The following PDLIM2 variants were observed in gnomAD, a reference collection of about 807,000 sequenced individuals.
PDLIM2 encodes PDZ and LIM domain protein 2.
In PDLIM2, 51 loss-of-function variants were observed where a neutral mutation model predicts 54.1. The observed-to-expected ratio is 0.94, with a 90% CI of 0.75 to 1.19. The LOEUF is 1.19. Ranked by LOEUF, PDLIM2 falls within the 50% of genes most tolerant of loss-of-function variation. The pLI is 0.00. For synonymous variants in PDLIM2, 398 were observed against 385.6 expected, an observed-to-expected ratio of 1.03 and a Z score of -0.38; for missense variants, 912 against 874.0, an observed-to-expected ratio of 1.04 and a Z score of -0.55.
At chr8:22,594,320 T>C, downstream of PDLIM2, 16 of 1,428,458 alleles carry the variant, frequency 1.1e-5, no homozygotes, top group Middle Eastern at 2.6e-4. Context: ...TTCCTTCTTT[T>C]TCCTACCGCC....
intron 2 of PDLIM2, 124 bp downstream of exon 1, chr8:22,580,821 C>A (rs1015142780): frequency 1.2e-5 from 13 of 1,096,900 alleles, no homozygotes; most frequent in Admixed American, 4.1e-5. Flanking sequence ...TGCTGCCTGG[C>A]GTGCTGGCTG....
chr8:22,594,579 A>AG (rs1302666450), downstream of PDLIM2: 1 of 1,613,992 alleles, frequency 6.2e-7, no homozygotes, highest in African/African-American at 1.3e-5. Context: ...GAAGCTTTGG[A>AG]GGGGATGGTG....
downstream of PDLIM2, chr8:22,594,776 G>C (rs781636899): frequency 1.4e-6 from 2 of 1,403,350 alleles, no homozygotes; most frequent in South Asian, 1.5e-5. Context: ...TTGATTTGGA[G>C]GGGGGAAAAA....
At chr8:22,592,688 C>G (rs1183336794) in intron 9 of PDLIM2, 1 of 152,096 alleles carries the variant, frequency 6.6e-6, no homozygotes, top group South Asian at 2.1e-4. Flanking sequence ...ATGGCTGGGC[C>G]CCACCCCAGA....
chr8:22,583,981 CT>C (rs1171881806), intron 3 of PDLIM2, among the ~76,000 whole-genome samples: 1 of 143,760 alleles, frequency 7.0e-6, no homozygotes, highest in East Asian at 2.2e-4. Flanking sequence ...ACTATCCTTT[CT>C]TTTTTTGGGG....
exon 1 of PDLIM2, chr8:22,579,450 G>A: frequency 2.0e-6 from 3 of 1,519,442 alleles, no homozygotes; most frequent in Non-Finnish European, 2.6e-6. Context: ...GGAGGCTCCA[G>A]AACTGGTAGA....
chr8:22,584,067 T>A (rs1391528421), intron 3 of PDLIM2, among the ~76,000 whole-genome samples: 3 of 151,786 alleles, frequency 2.0e-5, no homozygotes, highest in Admixed American at 6.6e-5. Flanking sequence ...AGTGGTACAA[T>A]TTTGGCTCAC....
chr8:22,590,005 A>C, intron 8 of PDLIM2: 1 of 474,614 alleles, frequency 2.1e-6, no homozygotes, highest in Non-Finnish European at 3.8e-6. Context: ...TCGAGTGATA[A>C]AAGCGGTGGC....
intron 2 of PDLIM2, chr8:22,581,152 C>A: frequency 1.5e-6 from 1 of 663,774 alleles, no homozygotes; most frequent in South Asian, 1.7e-5. Context: ...TGCCACTGCA[C>A]ATTCTTTGGG....
chr8:22,586,938 C>A (rs1235805251), intron 6 of PDLIM2, among the ~76,000 whole-genome samples: 3 of 152,176 alleles, frequency 2.0e-5, no homozygotes, highest in Non-Finnish European at 2.9e-5. Flanking sequence ...TGTGGGGAGA[C>A]TCACTTGGGT....
At chr8:22,591,490 T>A in intron 8 of PDLIM2, 61 bp from the exon 8 acceptor site, 1 of 1,472,820 alleles carries the variant, frequency 6.8e-7, no homozygotes, top group Non-Finnish European at 9.5e-7. Flanking sequence ...CCTCAGAGCA[T>A]CTTTGGGAGG....
chr8:22,585,329 G>A, exon 6 of PDLIM2: 1 of 1,613,012 alleles, frequency 6.2e-7, no homozygotes, highest in Non-Finnish European at 8.5e-7. Context: ...AGCTTCCAGA[G>A]TCTGGCATGT....
chr8:22,581,966 G>A (rs1800216815), intron 3 of PDLIM2, among the ~76,000 whole-genome samples: 1 of 152,224 alleles, frequency 6.6e-6, no homozygotes, highest in Non-Finnish European at 1.5e-5. Context: ...TGGAAGTGAG[G>A]ACTTGGGGGG....
chr8:22,594,047 G>T, exon 10 of PDLIM2: 1 of 1,449,770 alleles, frequency 6.9e-7, no homozygotes, highest in Non-Finnish European at 9.1e-7. Flanking sequence ...TCCTCGCTGG[G>T]TGGGCCAAGG....
At chr8:22,585,345 G>A (rs755934777) in exon 6 of PDLIM2, 94 of 1,612,662 alleles carry the variant, frequency 5.8e-5, no homozygotes, top group Admixed American at 2.3e-4. Context: ...CATGTTCCCC[G>A]GGCCTCCCCG....
exon 5 of PDLIM2, chr8:22,585,035 A>G: frequency 6.2e-7 from 1 of 1,613,830 alleles, no homozygotes; most frequent in African/African-American, 1.3e-5. Context: ...GAGGACATAC[A>G]CTGAGAGTCA....
In PDLIM2 at chr8:22,585,307, T is replaced by C. The variant is rs1471973545; in HGVS notation, c.1212-14T>C. 2.5e-6 allele frequency: 4 copies of C among 1,612,726 alleles called. No homozygotes were observed. The highest frequency in any genetic ancestry group is 1.3e-5 in the African/African-American group (1 of 74,932). ...GGGTGGCCCTGGCACACACTGTCCC[T>C]TTCCCACTTTCAGCTTCCAGAGTCT... On this transcript the variant is annotated splice_polypyrimidine_tract_variant and intron_variant, in intron 5 of 9. Transcript: ENST00000308354.
At chr8:22,589,026 G>A (rs753138039) in intron 6 of PDLIM2, 9 of 563,234 alleles carry the variant, frequency 1.6e-5, no homozygotes, top group African/African-American at 7.8e-5. Context: ...CCTGCTGCCC[G>A]GTCCCCGGCA....
exon 10 of PDLIM2, chr8:22,594,224 C>T: frequency 7.2e-7 from 1 of 1,394,720 alleles, no homozygotes; most frequent in South Asian, 1.6e-5. Flanking sequence ...AGGGGTGGGC[C>T]AGGGGCTAAT....
Sources: allele counts gnomAD v4.1 joint callset (sites outside exome capture counted in the v4.1 genomes callset), GRCh38; gene constraint gnomAD v4.1.1; transcripts MANE v1.5; gene names NCBI Gene and HGNC (gene_info 2026-07-23, HGNC 2026-07-21).